RASSF8: variants seen among roughly 807,000 people sequenced by gnomAD.
The protein encoded by RASSF8 is ras association domain-containing protein 8.
In RASSF8, 22 loss-of-function variants were observed where a neutral mutation model predicts 48.5. The observed-to-expected ratio is 0.45, with a 90% CI of 0.32 to 0.65. The LOEUF (loss-of-function observed/expected upper bound fraction) is 0.65, where lower values mean the gene tolerates loss of function less well. Ranked by LOEUF, RASSF8 falls within the 30% of genes least tolerant of loss-of-function variation. RASSF8 has a pLI of 0.03. For synonymous variants in RASSF8, 127 were observed against 171.5 expected (o/e 0.74, Z 2.03); for missense variants, 418 against 489.2 (o/e 0.85, Z 1.37).
At chr12:26,067,446 A>G (rs1304855368) in intron 4 of RASSF8, 123 bp from the exon 5 acceptor site, 2 of 1,068,156 alleles carry the variant, frequency 1.9e-6, no homozygotes, top group Admixed American at 2.6e-5. Flanking sequence ...GATTTGTTAA[A>G]TGTGCTTTTA....
chr12:25,991,485 T>C (rs1293165262), intron 1 of RASSF8, among the ~76,000 whole-genome samples: 1 of 151,930 alleles, frequency 6.6e-6, no homozygotes. Flanking sequence ...GGGTGAATGG[T>C]TTTAATTCTG....
At chr12:26,039,883 GAATA>G (rs538158071) in intron 2 of RASSF8, among the ~76,000 whole-genome samples, 329 of 152,274 alleles carry the variant, frequency 2.2e-3, no homozygotes, top group African/African-American at 7.2e-3. Flanking sequence ...TGGATTTAAT[GAATA>G]AATAACTTTA....
intron 1 of RASSF8, among the ~76,000 whole-genome samples, chr12:25,993,872 G>A (rs1282440547): frequency 6.6e-6 from 1 of 152,114 alleles, no homozygotes; most frequent in African/African-American, 2.4e-5. Context: ...TTCTTTTTAA[G>A]ATTTGGAAGC....
At chr12:26,038,319 G>GT (rs1386545314) in intron 2 of RASSF8, among the ~76,000 whole-genome samples, 1 of 152,082 alleles carries the variant, frequency 6.6e-6, no homozygotes, top group Non-Finnish European at 1.5e-5. Context: ...AGTTTTGACT[G>GT]TTTCCTTGAA....
chr12:26,032,956 AAAAG>A (rs1330145950), intron 2 of RASSF8, among the ~76,000 whole-genome samples: 2 of 152,228 alleles, frequency 1.3e-5, no homozygotes, highest in African/African-American at 4.8e-5. Context: ...ATAATCAGTT[AAAAG>A]AAAGAGCTTC....
chr12:26,020,898 A>G (rs1355309090), intron 2 of RASSF8, among the ~76,000 whole-genome samples: 1 of 152,176 alleles, frequency 6.6e-6, no homozygotes, highest in Non-Finnish European at 1.5e-5. Flanking sequence ...GGAAAGTAAA[A>G]CAACATGTGT....
At chr12:25,966,693 A>T (rs1378796416) in intron 1 of RASSF8, among the ~76,000 whole-genome samples, 1 of 152,194 alleles carries the variant, frequency 6.6e-6, no homozygotes, top group Non-Finnish European at 1.5e-5. Flanking sequence ...CAAGTGTTTC[A>T]TCAAATATAT....
rs547947025 is a variant in RASSF8 at position 26,046,950 on chromosome 12, A to G, written c.-108-8286A>G. Among the ~76,000 whole-genome samples the G allele has an allele frequency of 7.9e-5, 12 of 152,350 alleles. No homozygotes were observed. In the East Asian group the frequency reaches 1.7e-3, roughly 22 times the overall value. ...ATGATTTGTGAAAGAAAGCCATGAA[A>G]TAGCACATGTAGTAGAAAGCATAAT... is the stretch of plus-strand genomic sequence containing the variant. On this transcript the variant is annotated intron_variant, in intron 2 of 5. Transcript: ENST00000689635.
downstream of RASSF8, among the ~76,000 whole-genome samples, chr12:26,073,807 CAT>C (rs1491253973): frequency 1.6e-3 from 187 of 119,656 alleles, 1 homozygote; most frequent in African/African-American, 3.8e-3. Context: ...TATACACACA[CAT>C]ATATATACAC....
chr12:26,017,411 T>C (rs895387212), intron 2 of RASSF8, among the ~76,000 whole-genome samples: 1 of 152,202 alleles, frequency 6.6e-6, no homozygotes, highest in African/African-American at 2.4e-5. Flanking sequence ...CTAGCAGATG[T>C]AATATTATAT....
intron 1 of RASSF8, among the ~76,000 whole-genome samples, chr12:25,990,886 T>TA (rs1410284739): frequency 7.9e-5 from 12 of 152,134 alleles, no homozygotes; most frequent in Middle Eastern, 6.8e-3. Context: ...CTCTTTTCAA[T>TA]AAAAAGAAAT....
intron 2 of RASSF8, among the ~76,000 whole-genome samples, chr12:26,021,906 G>A (rs113575006): frequency 1.3e-5 from 2 of 152,278 alleles, no homozygotes; most frequent in African/African-American, 4.8e-5. Context: ...TTTCAGAAAC[G>A]AGAGGCTTTG....
intron 1 of RASSF8, among the ~76,000 whole-genome samples, chr12:25,962,079 C>T (rs527332407): frequency 3.9e-5 from 6 of 152,162 alleles, no homozygotes; most frequent in Non-Finnish European, 5.9e-5. Context: ...AAGTATTTGC[C>T]GTCTTAAAGT....
intron 1 of RASSF8, among the ~76,000 whole-genome samples, chr12:25,994,393 T>C (rs900207368): frequency 1.3e-5 from 2 of 152,178 alleles, no homozygotes; most frequent in Non-Finnish European, 2.9e-5. Flanking sequence ...GACATATGAA[T>C]TGCGTCAATT....
intron 4 of RASSF8, among the ~76,000 whole-genome samples, chr12:26,065,996 C>T (rs138302120): frequency 6.6e-6 from 1 of 152,026 alleles, no homozygotes; most frequent in African/African-American, 2.4e-5. Flanking sequence ...GATTATGTTG[C>T]GGAAGTTGCA....
At chr12:26,008,750 A>C (rs1051032829) in intron 2 of RASSF8, among the ~76,000 whole-genome samples, 1 of 152,204 alleles carries the variant, frequency 6.6e-6, no homozygotes, top group Non-Finnish European at 1.5e-5. Flanking sequence ...GGCATATTGC[A>C]AGCATCTGCA....
At chr12:26,042,528 ATTAAC>A (rs144183329) in intron 2 of RASSF8, among the ~76,000 whole-genome samples, 7,827 of 152,014 alleles carry the variant, frequency 0.051, 247 homozygotes, top group East Asian at 0.12. Flanking sequence ...GTCTATTTTG[ATTAAC>A]TTGTTTTTAG....
In RASSF8 at chr12:26,071,623, T is replaced by G; in HGVS notation, c.*2805T>G. ...CTTGTCCTTCTGAGATATTTTGGTTTGATAACATTTTGTTTTTTGTCTTGA... is the reference window on the plus strand; with the variant it reads ...CTTGTCCTTCTGAGATATTTTGGTTGGATAACATTTTGTTTTTTGTCTTGA... On this transcript the variant is annotated 3_prime_UTR_variant, in exon 6 of 6. Coordinates refer to ENST00000689635, the MANE Select transcript of RASSF8 (RefSeq NM_001394098.1). 1 of 985,300 alleles carries G rather than the reference T, an allele frequency of 1.0e-6. No individual in the cohort carries two copies. Among genetic ancestry groups the G allele is most frequent in the Non-Finnish European group, 1.2e-6 (1 of 829,834 alleles). 61.0% of individuals were successfully genotyped at this position (985,300 alleles called of 1,614,324 possible).
chr12:26,071,232 A>C lies in RASSF8; in HGVS notation c.*2414A>C. On this transcript the variant is annotated 3_prime_UTR_variant, in exon 6 of 6. Transcript: ENST00000689635. ...GGATCATCTGAAGATACTTTAGTATATTTGTGATCATTTTTATCTATTGCA... is the reference window on the plus strand; with the variant it reads ...GGATCATCTGAAGATACTTTAGTATCTTTGTGATCATTTTTATCTATTGCA... 1.0e-6 allele frequency: 1 copy of C among 982,614 alleles called. No homozygotes were observed. The highest frequency in any genetic ancestry group is 1.2e-6 in the Non-Finnish European group (1 of 827,410). The allele number at this position is 982,614 out of a possible 1,614,324, so 60.9% of individuals were successfully genotyped here. A position where few individuals can be genotyped will look rare whatever the true frequency, so the allele number is the denominator to read the frequency against.
Sources: gnomAD v4.1 joint callset for allele counts (sites outside exome capture counted in the v4.1 genomes callset) on GRCh38, gnomAD v4.1.1 for gene constraint, MANE v1.5 for transcripts, NCBI Gene and HGNC (gene_info 2026-07-23, HGNC 2026-07-21) for gene names.